The following FAM156A variants were observed in gnomAD, a reference collection of about 807,000 sequenced individuals.
FAM156A encodes protein FAM156A/FAM156B.
In FAM156A at chrX:52,975,051, T is replaced by TACACACAC. The variant is rs61081750; in HGVS notation, c.-433-10824_-433-10817dup. On this transcript the variant is annotated intron_variant, in intron 1 of 4. Coordinates refer to the FAM156A transcript ENST00000610625. Reference sequence around the variant, plus strand: ...GCGCCCTCCCTCTCTGTTAAACACATACACACACACACACACACACACACA... The same window carrying TACACACAC: ...GCGCCCTCCCTCTCTGTTAAACACATACACACACACACACACACACACACACACACACA... 3.4e-3 allele frequency among the ~76,000 whole-genome samples: 283 copies of TACACACAC among 83,666 alleles called. 2 individuals are homozygous for TACACACAC. The highest frequency in any genetic ancestry group is 5.2e-3 in the South Asian group (7 of 1,358). The allele number at this position is 83,666 out of a possible 115,157, so 72.7% of individuals were successfully genotyped here.
intron 1 of FAM156A, among the ~76,000 whole-genome samples, chrX:52,982,469 A>C (rs1929981031): frequency 8.9e-6 from 1 of 112,052 alleles, no homozygotes; most frequent in African/African-American, 3.2e-5. Flanking sequence ...TAAATAAATA[A>C]ATAATTTTAA....
rs1306754734 is a variant in FAM156A, at chrX:52,990,788, A to AAAAGAAAAGAAAGAAAAG, written c.-434+4500_-434+4517dup. Among the ~76,000 whole-genome samples, 108 of 79,059 alleles carry AAAAGAAAAGAAAGAAAAG rather than the reference A, an allele frequency of 1.4e-3. 2 individuals are homozygous for AAAAGAAAAGAAAGAAAAG. The highest frequency in any genetic ancestry group is 4.8e-3 in the African/African-American group (102 of 21,220). The allele number at this position is 79,059 out of a possible 115,157, so 68.7% of individuals were successfully genotyped here. A position where few individuals can be genotyped will look rare whatever the true frequency, so the allele number is the denominator to read the frequency against. On this transcript the variant is annotated intron_variant, in intron 1 of 4. Transcript: ENST00000610625. ...GATAGAGTGAGACTGTCAAGAAAAG[A>AAAAGAAAAGAAAGAAAAG]AAAGAAAAGAAAGAAAAGAAAAGAA... is the stretch of plus-strand genomic sequence containing the variant.
chrX:52,986,854 T>C lies in FAM156A; in HGVS notation c.-434+8452A>G, dbSNP rs782005341. On this transcript the variant is annotated intron_variant, in intron 1 of 4. Coordinates refer to the FAM156A transcript ENST00000610625. ...ATTGTACTGAAAGTTCCAACCAGCT[T>C]AAAAAGGAAAGAAAAAGAAATAAAT... Among the ~76,000 whole-genome samples the C allele has an allele frequency of 2.7e-5, 3 of 111,376 alleles. 1 individual carries two copies. The South Asian group carries it at 1.1e-3, about 41-fold the overall frequency.
chrX:52,980,995 G>C (rs1929865168), intron 1 of FAM156A, among the ~76,000 whole-genome samples: 1 of 108,521 alleles, frequency 9.2e-6, no homozygotes, highest in South Asian at 4.1e-4. Context: ...TTCATGGGGG[G>C]ATCCCAGTCT....
At chrX:52,993,708 T>C (rs5991846) in intron 1 of FAM156A, among the ~76,000 whole-genome samples, 18,966 of 110,749 alleles carry the variant, frequency 0.17, 1,237 homozygotes, top group Middle Eastern at 0.23. Flanking sequence ...AGCCACTGCG[T>C]CAGCCACTGT....
chrX:52,977,595 C>A (rs1556792627), intron 1 of FAM156A, among the ~76,000 whole-genome samples: 1 of 110,631 alleles, frequency 9.0e-6, no homozygotes, highest in African/African-American at 3.3e-5. Flanking sequence ...AACCACCATG[C>A]CCAGCTTATT....
intron 1 of FAM156A, among the ~76,000 whole-genome samples, chrX:52,989,013 T>C (rs782793649): frequency 8.9e-6 from 1 of 112,497 alleles, no homozygotes; most frequent in African/African-American, 3.2e-5. Flanking sequence ...AAACTATGGC[T>C]ACAATAAATG....
chrX:52,977,055 CACATATATACATAT>C (rs1380866183), intron 1 of FAM156A, among the ~76,000 whole-genome samples: 2 of 104,727 alleles, frequency 1.9e-5, no homozygotes, highest in East Asian at 2.9e-4. Context: ...TATATACACA[CACATATATACATAT>C]ACATATATAC....
Position 52,990,797 on chromosome X carries a change from G to GAAAGAAAAGAAAGAAAAGAAAAGAAAAGA in FAM156A, c.-434+4508_-434+4509insTCTTTTCTTTTCTTTTCTTTCTTTTCTTT, listed in dbSNP as rs1475069769. Among the ~76,000 whole-genome samples, 283 of 69,553 alleles carry GAAAGAAAAGAAAGAAAAGAAAAGAAAAGA rather than the reference G, an allele frequency of 4.1e-3. 2 individuals are homozygous for GAAAGAAAAGAAAGAAAAGAAAAGAAAAGA. The highest frequency in any genetic ancestry group is 5.4e-3 in the Non-Finnish European group (209 of 38,457). 60.4% of individuals were successfully genotyped at this position (69,553 alleles called of 115,157 possible). On this transcript the variant is annotated intron_variant, in intron 1 of 4. Coordinates refer to the FAM156A transcript ENST00000610625. ...AGACTGTCAAGAAAAGAAAAGAAAA[G>GAAAGAAAAGAAAGAAAAGAAAAGAAAAGA]AAAGAAAAGAAAAGAAAAGAAAAGA...
At chrX:52,994,386 C>T (rs1390732842) in intron 1 of FAM156A, among the ~76,000 whole-genome samples, 11 of 110,771 alleles carry the variant, frequency 9.9e-5, no homozygotes, top group African/African-American at 3.3e-4. Flanking sequence ...CAGACACCTC[C>T]CAACCTAATA....
intron 1 of FAM156A, among the ~76,000 whole-genome samples, chrX:52,987,863 A>G (rs945062254): frequency 2.7e-5 from 3 of 111,646 alleles, no homozygotes; most frequent in African/African-American, 6.5e-5. Flanking sequence ...ATGTCCTTCA[A>G]TGGGTGCATG....
At chrX:52,975,051 TACACACACACACACACACACACAC>T (rs61081750) in intron 1 of FAM156A, among the ~76,000 whole-genome samples, 3 of 83,671 alleles carry the variant, frequency 3.6e-5, no homozygotes, top group African/African-American at 1.3e-4. Flanking sequence ...GTTAAACACA[TACACACACACACACACACACACAC>T]ACACACACAC....
intron 1 of FAM156A, among the ~76,000 whole-genome samples, chrX:52,987,737 T>A (rs1167029891): frequency 9.0e-6 from 1 of 111,027 alleles, no homozygotes; most frequent in East Asian, 2.8e-4. Flanking sequence ...GTTGGAAACA[T>A]TGGACATCCA....
chrX:52,983,752 G>A (rs1292077782), intron 1 of FAM156A, among the ~76,000 whole-genome samples: 2 of 112,259 alleles, frequency 1.8e-5, no homozygotes, highest in Admixed American at 9.4e-5. Flanking sequence ...TCTCCGGCAT[G>A]GCAAAAGACG....
intron 1 of FAM156A, among the ~76,000 whole-genome samples, chrX:52,988,940 G>A (rs1313545938): frequency 8.9e-6 from 1 of 112,410 alleles, no homozygotes; most frequent in Non-Finnish European, 1.9e-5. Flanking sequence ...TCTCATCACA[G>A]GTCTGGATGG....
intron 1 of FAM156A, among the ~76,000 whole-genome samples, chrX:52,985,142 T>C (rs1439678466): frequency 1.8e-5 from 2 of 110,200 alleles, no homozygotes; most frequent in Non-Finnish European, 3.8e-5. Flanking sequence ...ATAGCCCATA[T>C]CTTGGGTCAC....
intron 1 of FAM156A, among the ~76,000 whole-genome samples, chrX:52,986,238 AAAAAT>A (rs1391993312): frequency 9.2e-6 from 1 of 109,116 alleles, no homozygotes; most frequent in Non-Finnish European, 1.9e-5. Context: ...ATAAAATTAA[AAAAAT>A]AAAATAAAAA....
chrX:52,989,576 G>T (rs1191665634), intron 1 of FAM156A, among the ~76,000 whole-genome samples: 2 of 112,416 alleles, frequency 1.8e-5, no homozygotes, highest in African/African-American at 6.5e-5. Context: ...GCCTGTGCTG[G>T]GTGGGCCGTG....
intron 1 of FAM156A, among the ~76,000 whole-genome samples, chrX:52,987,778 T>C (rs913466147): frequency 6.2e-5 from 7 of 112,198 alleles, no homozygotes; most frequent in Non-Finnish European, 1.1e-4. Flanking sequence ...GGAAAATTTA[T>C]GTTTACACAA....
Sources: allele counts gnomAD v4.1 joint callset (sites outside exome capture counted in the v4.1 genomes callset), GRCh38; gene constraint gnomAD v4.1.1; transcripts MANE v1.5; gene names NCBI Gene and HGNC (gene_info 2026-07-23, HGNC 2026-07-21).